The following ABI3BP variants were observed in gnomAD, a reference collection of about 807,000 sequenced individuals.
ABI3BP encodes the protein target of Nesh-SH3.
In ABI3BP, 216 loss-of-function variants were observed where a neutral mutation model predicts 268.6. That is an observed-to-expected ratio of 0.80 (90% CI 0.72 to 0.90). ABI3BP has a LOEUF of 0.90. Among genes scored for constraint, ABI3BP ranks in the 40% least tolerant of loss-of-function variants. The pLI is 0.00. For missense variants in ABI3BP, 2,090 were observed against 2,182.4 expected, an observed-to-expected ratio of 0.96 and a Z score of 0.84; for synonymous variants, 730 against 730.0, an observed-to-expected ratio of 1.00 and a Z score of 0.00.
chr3:100,933,140 A>G (rs1248285743), intron 1 of ABI3BP, among the ~76,000 whole-genome samples: 1 of 152,002 alleles, frequency 6.6e-6, no homozygotes, highest in Admixed American at 6.6e-5. Flanking sequence ...CACTCTTCTA[A>G]AAGTAGATAA....
At chr3:100,955,909 C>T (rs2153795927) in intron 1 of ABI3BP, among the ~76,000 whole-genome samples, 1 of 152,106 alleles carries the variant, frequency 6.6e-6, no homozygotes, top group South Asian at 2.1e-4. Context: ...TATGTGAGGC[C>T]AGGCATGGGG....
chr3:100,909,742 C>T (rs1316293339), intron 2 of ABI3BP, among the ~76,000 whole-genome samples: 12 of 152,000 alleles, frequency 7.9e-5, no homozygotes, highest in African/African-American at 9.7e-5. Context: ...CCAGGTAGAA[C>T]GCCAATCATT....
chr3:100,859,086 T>G (rs2098968899), intron 14 of ABI3BP, among the ~76,000 whole-genome samples: 1 of 152,174 alleles, frequency 6.6e-6, no homozygotes, highest in South Asian at 2.1e-4. Flanking sequence ...CAATAAGTCT[T>G]TTCTATCATC....
At chr3:100,889,059 A>G (rs1191814523) in intron 4 of ABI3BP, among the ~76,000 whole-genome samples, 2 of 152,114 alleles carry the variant, frequency 1.3e-5, no homozygotes, top group Non-Finnish European at 2.9e-5. Context: ...AGACATATTG[A>G]TTTAAGCCAT....
At chr3:100,979,136 C>T (rs149568862) in intron 1 of ABI3BP, among the ~76,000 whole-genome samples, 1 of 152,182 alleles carries the variant, frequency 6.6e-6, no homozygotes, top group East Asian at 1.9e-4. Flanking sequence ...GTTTATCCAG[C>T]CCTCTAAGAG....
intron 41 of ABI3BP, among the ~76,000 whole-genome samples, chr3:100,818,227 T>C (rs1302403251): frequency 6.6e-6 from 1 of 152,196 alleles, no homozygotes; most frequent in Non-Finnish European, 1.5e-5. Flanking sequence ...AAATAAGGGA[T>C]AGAGATTCGT....
At chr3:100,798,071 T>C (rs1341056767) in intron 51 of ABI3BP, among the ~76,000 whole-genome samples, 1 of 152,114 alleles carries the variant, frequency 6.6e-6, no homozygotes, top group Non-Finnish European at 1.5e-5. Flanking sequence ...TCTAATTAGT[T>C]ACAGTACTAC....
chr3:100,895,612 T>C (rs937764619), intron 4 of ABI3BP, among the ~76,000 whole-genome samples: 3 of 152,184 alleles, frequency 2.0e-5, no homozygotes, highest in Non-Finnish European at 4.4e-5. Context: ...TGATACCAAT[T>C]GGTGTTCCTG....
chr3:100,837,326 G>A, intron 26 of ABI3BP, 155 bp from the exon 27 acceptor site: 2 of 497,492 alleles, frequency 4.0e-6, no homozygotes, highest in South Asian at 4.7e-5. Context: ...TATGTGAGAT[G>A]CTTCTTAGCA....
chr3:100,884,462 G>A (rs952850079), intron 6 of ABI3BP, among the ~76,000 whole-genome samples: 1 of 152,002 alleles, frequency 6.6e-6, no homozygotes. Flanking sequence ...ATTTGCCTTA[G>A]GCAGATTAAT....
chr3:100,992,892 T>G (rs1031455046), intron 1 of ABI3BP, among the ~76,000 whole-genome samples: 1 of 152,212 alleles, frequency 6.6e-6, no homozygotes, highest in African/African-American at 2.4e-5. Flanking sequence ...ACACCAAAGA[T>G]TCAAGGTTTC....
At chr3:100,980,315 C>G (rs1165141900) in intron 1 of ABI3BP, among the ~76,000 whole-genome samples, 1 of 152,004 alleles carries the variant, frequency 6.6e-6, no homozygotes, top group East Asian at 1.9e-4. Context: ...ACTGCAAGGT[C>G]TGCCTCCCCG....
chr3:100,829,904 G>T, intron 32 of ABI3BP, among the ~76,000 whole-genome samples: 1 of 151,474 alleles, frequency 6.6e-6, no homozygotes, highest in Non-Finnish European at 1.5e-5. Context: ...ATTCCTGAAT[G>T]AAGAACAAGT....
At chr3:100,910,496 A>G (rs2576386) in intron 2 of ABI3BP, among the ~76,000 whole-genome samples, 145,023 of 151,658 alleles carry the variant, frequency 0.96, 69,672 homozygotes, top group East Asian at 1. Flanking sequence ...TTCTTTCTAC[A>G]TTGTGAAAAT....
intron 51 of ABI3BP, among the ~76,000 whole-genome samples, chr3:100,800,426 T>C (rs2097499824): frequency 6.6e-6 from 1 of 152,170 alleles, no homozygotes; most frequent in South Asian, 2.1e-4. Flanking sequence ...TCTTCATCTC[T>C]CAATAATCTC....
chr3:100,817,430 C>T lies in ABI3BP; in HGVS notation c.3148+6G>A. On this transcript the variant is annotated splice_donor_region_variant and intron_variant, in intron 42 of 67. Transcript: ENST00000471714. ...AAAGTTATTCAGGAACACAGAATAT[C>T]ATTACCTAACGTTGTTTCTGGAAAC... 6.7e-7 allele frequency: 1 copy of T among 1,503,368 alleles called. No homozygotes were observed. Among genetic ancestry groups the T allele is most frequent in the South Asian group, 1.3e-5 (1 of 79,276 alleles). 93.1% of individuals were successfully genotyped at this position (1,503,368 alleles called of 1,614,324 possible).
intron 14 of ABI3BP, among the ~76,000 whole-genome samples, chr3:100,858,770 C>T (rs1316066765): frequency 6.6e-6 from 1 of 152,088 alleles, no homozygotes; most frequent in Non-Finnish European, 1.5e-5. Flanking sequence ...TCAGACAAGA[C>T]CACTCTCTGA....
At chr3:100,844,842 C>G (rs564671502) in intron 20 of ABI3BP, among the ~76,000 whole-genome samples, 1 of 152,152 alleles carries the variant, frequency 6.6e-6, no homozygotes, top group Non-Finnish European at 1.5e-5. Context: ...ACACATTAGC[C>G]TCCAAGTAAT....
intron 1 of ABI3BP, among the ~76,000 whole-genome samples, chr3:100,973,858 G>C (rs1339011792): frequency 6.6e-6 from 1 of 152,126 alleles, no homozygotes; most frequent in East Asian, 1.9e-4. Context: ...AGTTCCCTCT[G>C]TGCCAGGCAA....
Sources: allele counts gnomAD v4.1 joint callset (sites outside exome capture counted in the v4.1 genomes callset), GRCh38; gene constraint gnomAD v4.1.1; transcripts MANE v1.5; gene names NCBI Gene and HGNC (gene_info 2026-07-23, HGNC 2026-07-21).